Variants in SAXO1 observed in about 807,000 individuals in gnomAD.
SAXO1 encodes stabilizer of axonemal microtubules 1.
A neutral mutation model predicts 17.5 loss-of-function variants in SAXO1; 21 were observed. The observed-to-expected ratio is 1.20, with a 90% confidence interval of 0.85 to 1.72. The LOEUF (loss-of-function observed/expected upper bound fraction) is 1.72. Among genes scored for constraint, SAXO1 ranks in the 40% most tolerant of loss-of-function variants. The pLI is 0.00. For synonymous variants in SAXO1, 274 were observed against 216.5 expected, an observed-to-expected ratio of 1.27 and a Z score of -2.33; for missense variants, 843 against 596.0, an observed-to-expected ratio of 1.41 and a Z score of -4.32.
intron 1 of SAXO1, among the ~76,000 whole-genome samples, chr9:19,029,799 G>A (rs974659689): frequency 1.3e-5 from 2 of 152,130 alleles, no homozygotes; most frequent in African/African-American, 4.8e-5. Context: ...TTATTTAAAT[G>A]AAATTGCCAC....
At chr9:19,032,002 C>T (rs2131054096) in intron 1 of SAXO1, among the ~76,000 whole-genome samples, 1 of 152,318 alleles carries the variant, frequency 6.6e-6, no homozygotes, top group South Asian at 2.1e-4. Context: ...CCAGGACTCA[C>T]ATACATGATC....
upstream of SAXO1, among the ~76,000 whole-genome samples, chr9:19,038,075 T>C (rs938269509): frequency 3.3e-5 from 5 of 152,174 alleles, no homozygotes; most frequent in African/African-American, 9.7e-5. Context: ...TCACACCAGT[T>C]AGAATGGCAA....
intron 1 of SAXO1, among the ~76,000 whole-genome samples, chr9:18,988,450 G>A (rs1428651978): frequency 6.6e-6 from 1 of 152,162 alleles, no homozygotes; most frequent in Admixed American, 6.5e-5. Context: ...TTCCCAATTA[G>A]ACATTTAGGA....
intron 2 of SAXO1, among the ~76,000 whole-genome samples, chr9:18,949,623 C>A (rs1831940723): frequency 6.6e-6 from 1 of 152,126 alleles, no homozygotes; most frequent in Non-Finnish European, 1.5e-5. Flanking sequence ...CCAGACTGGA[C>A]TTCCCGTGGA....
chr9:18,978,581 G>C (rs558272255), intron 1 of SAXO1, among the ~76,000 whole-genome samples: 4 of 152,210 alleles, frequency 2.6e-5, no homozygotes, highest in African/African-American at 9.6e-5. Context: ...TTGGTTTTCA[G>C]TCTGCAGCTG....
intron 1 of SAXO1, among the ~76,000 whole-genome samples, chr9:18,985,743 A>C (rs1474120736): frequency 6.6e-6 from 1 of 152,242 alleles, no homozygotes; most frequent in Non-Finnish European, 1.5e-5. Flanking sequence ...GGCTAATGAG[A>C]ACAAGGTGCA....
Position 18,933,903 on chromosome 9 carries a change from A to G in SAXO1, c.422-4848T>C, listed in dbSNP as rs538287080. ...CTACTAAAAATACAACAAATTAGCC[A>G]GGCGTAGTGGCGGGCGCCTGTAGTC... On this transcript the variant is annotated intron_variant, in intron 3 of 3. Coordinates refer to ENST00000380534, the MANE Select transcript of SAXO1 (RefSeq NM_153707.4). 4.3e-4 allele frequency among the ~76,000 whole-genome samples: 65 copies of G among 152,248 alleles called. No individual in the cohort carries two copies. In the South Asian group the frequency reaches 6.8e-3, roughly 16 times the overall value.
At chr9:19,003,915 GCTT>G (rs1234917844) in intron 1 of SAXO1, among the ~76,000 whole-genome samples, 1 of 152,162 alleles carries the variant, frequency 6.6e-6, no homozygotes, top group Non-Finnish European at 1.5e-5. Flanking sequence ...AAACTAAAGA[GCTT>G]CTGCAAAGCA....
intron 1 of SAXO1, among the ~76,000 whole-genome samples, chr9:18,969,688 A>T (rs1406297738): frequency 1.3e-5 from 2 of 152,236 alleles, no homozygotes; most frequent in African/African-American, 2.4e-5. Context: ...TGCCTGGAAC[A>T]TCTACACACT....
intron 1 of SAXO1, among the ~76,000 whole-genome samples, chr9:19,011,295 T>C (rs1424945779): frequency 3.3e-5 from 5 of 152,180 alleles, no homozygotes; most frequent in East Asian, 1.9e-4. Flanking sequence ...TTTGAGCCCA[T>C]TGCCACTTTC....
At chr9:19,013,427 G>A (rs548583326) in intron 1 of SAXO1, among the ~76,000 whole-genome samples, 1 of 151,964 alleles carries the variant, frequency 6.6e-6, no homozygotes, top group Non-Finnish European at 1.5e-5. Flanking sequence ...TTTCCATGAT[G>A]GCTATAGATA....
At chr9:19,006,711 T>C (rs558280862) in intron 1 of SAXO1, among the ~76,000 whole-genome samples, 155 of 152,338 alleles carry the variant, frequency 1.0e-3, no homozygotes, top group African/African-American at 1.7e-3. Context: ...CTGCACAACA[T>C]TGTCAATGTT....
intron 1 of SAXO1, among the ~76,000 whole-genome samples, chr9:19,013,309 C>CTATA (rs1834832731): frequency 6.6e-6 from 1 of 152,158 alleles, no homozygotes; most frequent in Non-Finnish European, 1.5e-5. Context: ...CAAAGCCAGG[C>CTATA]TATAATAGCA....
At chr9:19,017,427 G>A (rs1835025912) in intron 1 of SAXO1, among the ~76,000 whole-genome samples, 1 of 152,218 alleles carries the variant, frequency 6.6e-6, no homozygotes, top group African/African-American at 2.4e-5. Context: ...GGGTGACAGT[G>A]AAGAATTCAT....
At chr9:18,993,788 C>A (rs1300326044) in intron 1 of SAXO1, among the ~76,000 whole-genome samples, 1 of 152,156 alleles carries the variant, frequency 6.6e-6, no homozygotes, top group Non-Finnish European at 1.5e-5. Context: ...TTACCATATT[C>A]AATCCTTAAA....
At chr9:18,969,976 T>C (rs535708665) in intron 1 of SAXO1, among the ~76,000 whole-genome samples, 1 of 152,240 alleles carries the variant, frequency 6.6e-6, no homozygotes. Flanking sequence ...CTGATTCCTC[T>C]CTGAGGAAAA....
At chr9:18,983,449 T>A (rs979128442) in intron 1 of SAXO1, among the ~76,000 whole-genome samples, 5 of 152,190 alleles carry the variant, frequency 3.3e-5, no homozygotes, top group Admixed American at 3.3e-4. Flanking sequence ...GAGATTTAGG[T>A]GGGGACACAG....
At position 19,033,070 on chromosome 9, in the gene SAXO1, T is replaced by C. The variant is rs1002389959; in HGVS notation, c.-162A>G. 10 of 661,362 alleles carry C rather than the reference T, an allele frequency of 1.5e-5. No individual in the cohort carries two copies. Among genetic ancestry groups the C allele is most frequent in the Admixed American group, 1.3e-4 (4 of 29,828 alleles). 41.0% of individuals were successfully genotyped at this position (661,362 alleles called of 1,614,324 possible). ...TAAGTGGCCCTTTTGCAATGTCCTG[T>C]CGTCTGTTGCCCTCCTGGAGCTGGC... On this transcript the variant is annotated 5_prime_UTR_variant, in exon 1 of 4. Transcript: ENST00000380534.
At chr9:18,948,191 A>C (rs930603378) in intron 2 of SAXO1, among the ~76,000 whole-genome samples, 1 of 152,160 alleles carries the variant, frequency 6.6e-6, no homozygotes, top group Non-Finnish European at 1.5e-5. Flanking sequence ...GCTTCCCTAC[A>C]TTTCCTGACA....
Sources: allele counts gnomAD v4.1 joint callset (sites outside exome capture counted in the v4.1 genomes callset), GRCh38; gene constraint gnomAD v4.1.1; transcripts MANE v1.5; gene names NCBI Gene and HGNC (gene_info 2026-07-23, HGNC 2026-07-21).